The following NMNAT3 variants were observed in gnomAD, a reference collection of about 807,000 sequenced individuals.
The protein encoded by NMNAT3 is nicotinamide nucleotide adenylyltransferase 3.
In NMNAT3, 21 loss-of-function variants were observed where a neutral mutation model predicts 24.8. The observed-to-expected ratio is 0.85, with a 90% CI of 0.60 to 1.22. The LOEUF is 1.22. NMNAT3 is among the 50% of genes most tolerant of loss of function. The pLI, the probability that NMNAT3 is intolerant of heterozygous loss-of-function variation, is 0.00. For missense variants in NMNAT3, 387 were observed against 436.6 expected, an observed-to-expected ratio of 0.89 and a Z score of 1.01; for synonymous variants, 136 against 155.2, an observed-to-expected ratio of 0.88 and a Z score of 0.92.
chr3:139,602,431 A>G (rs1399478798), intron 3 of NMNAT3, among the ~76,000 whole-genome samples: 1 of 152,256 alleles, frequency 6.6e-6, no homozygotes, highest in East Asian at 1.9e-4. Context: ...GACATTGGGT[A>G]GAATGAACAG....
intron 3 of NMNAT3, among the ~76,000 whole-genome samples, chr3:139,598,130 A>C (rs1039538104): frequency 6.6e-6 from 1 of 152,136 alleles, no homozygotes; most frequent in Non-Finnish European, 1.5e-5. Context: ...GGCAATCATC[A>C]CTCCCTCCAT....
chr3:139,654,681 G>A (rs2057177528), intron 1 of NMNAT3, among the ~76,000 whole-genome samples: 1 of 152,186 alleles, frequency 6.6e-6, no homozygotes, highest in Admixed American at 6.5e-5. Context: ...GAGGACCCAA[G>A]CAGCCCAACT....
At chr3:139,603,176 C>T (rs1309126292) in intron 3 of NMNAT3, among the ~76,000 whole-genome samples, 1 of 152,174 alleles carries the variant, frequency 6.6e-6, no homozygotes, top group Non-Finnish European at 1.5e-5. Context: ...ATTGCGGATC[C>T]TTTGAGAGCC....
chr3:139,611,194 T>A (rs1846023), intron 3 of NMNAT3, among the ~76,000 whole-genome samples: 12 of 152,014 alleles, frequency 7.9e-5, no homozygotes, highest in African/African-American at 1.9e-4. Flanking sequence ...CAGGAGAAAC[T>A]GTCTTGAGGC....
In NMNAT3 at chr3:139,582,907, A is replaced by T. The variant is rs61139532; in HGVS notation, c.391+20T>A. ...GTTGGAGGGAGGAGCAGTCCAAAAA[A>T]ATATATATATATTTTTTACCTTGAA... is the stretch of plus-strand genomic sequence containing the variant. On this transcript the variant is annotated intron_variant, in intron 4 of 6. Transcript: ENST00000643695. 6,818 of 1,382,678 alleles carry T rather than the reference A, an allele frequency of 4.9e-3. 182 individuals carry two copies. The African/African-American group carries it at 0.074, about 15-fold the overall frequency. 85.7% of individuals were successfully genotyped at this position (1,382,678 alleles called of 1,614,324 possible). A position where few individuals can be genotyped will look rare whatever the true frequency, so the allele number is the denominator to read the frequency against.
chr3:139,561,108 C>T lies in NMNAT3; in HGVS notation c.943G>A (p.Asp315Asn), dbSNP rs975840088. The change falls in exon 7 of 7, where the codon GAT becomes AAT. Residue 315 changes from aspartate (D) to asparagine (N), a missense_variant. Physicochemically the swap from Asp to Asn is conservative, Grantham distance 23. Coordinates refer to ENST00000643695, the MANE Select transcript of NMNAT3 (RefSeq NM_001320510.2). ...TCCTTGATGTACGTGATGACAGCAT[C>T]GGGAATCAGGTACTTTACGCTCTGC... is the stretch of plus-strand genomic sequence containing the variant. 16 of 1,614,052 alleles carry T rather than the reference C, an allele frequency of 9.9e-6. No homozygotes were observed. Among genetic ancestry groups the T allele is most frequent in the Non-Finnish European group, 1.3e-5 (15 of 1,180,010 alleles).
intron 1 of NMNAT3, among the ~76,000 whole-genome samples, chr3:139,656,549 AG>A (rs143334672): frequency 0.052 from 7,927 of 152,264 alleles, 246 homozygotes; most frequent in Admixed American, 0.098. Context: ...GCACTTTGGG[AG>A]GCTGAGGCAG....
intron 6 of NMNAT3, chr3:139,569,574 A>G (rs1369648901): frequency 6.6e-6 from 1 of 152,100 alleles, no homozygotes; most frequent in Non-Finnish European, 1.5e-5. Flanking sequence ...CTTGTCTGTA[A>G]AGGGTTTTAT....
intron 1 of NMNAT3, among the ~76,000 whole-genome samples, chr3:139,652,013 C>T (rs954968325): frequency 8.5e-5 from 13 of 152,212 alleles, no homozygotes; most frequent in Non-Finnish European, 1.8e-4. Flanking sequence ...CCTCACTGTT[C>T]CACCCAGCTT....
intron 6 of NMNAT3, among the ~76,000 whole-genome samples, chr3:139,571,879 G>A (rs1163387595): frequency 1.3e-5 from 2 of 152,188 alleles, no homozygotes; most frequent in East Asian, 1.9e-4. Context: ...GCCTCAGTGT[G>A]TTGTCCCTCC....
At chr3:139,631,415 G>A (rs1398079834) in intron 2 of NMNAT3, among the ~76,000 whole-genome samples, 2 of 152,124 alleles carry the variant, frequency 1.3e-5, no homozygotes, top group East Asian at 3.8e-4. Context: ...CAAGATGCAT[G>A]CTATAAAAGT....
rs187425850 is a variant in NMNAT3 at position 139,646,816 on chromosome 3, G to A, written c.-140-8754C>T. Among the ~76,000 whole-genome samples, 81 of 152,350 alleles carry A rather than the reference G, an allele frequency of 5.3e-4. 5 individuals are homozygous for A. In the East Asian group the frequency reaches 6.9e-3, roughly 13 times the overall value. ...AGGGCCAAGTCCAAAACCGTAATAG[G>A]CTTTTTGCAGGGAGGACTGAAGAGT... On this transcript the variant is annotated intron_variant, in intron 1 of 6. Transcript: ENST00000643695.
At chr3:139,591,629 G>A (rs1385483766) in intron 3 of NMNAT3, among the ~76,000 whole-genome samples, 2 of 151,074 alleles carry the variant, frequency 1.3e-5, no homozygotes, top group African/African-American at 2.4e-5. Context: ...TCTGAGAACG[G>A]GCAGACTGCC....
intron 3 of NMNAT3, among the ~76,000 whole-genome samples, chr3:139,608,831 T>A (rs2055061569): frequency 6.6e-6 from 1 of 152,210 alleles, no homozygotes; most frequent in Non-Finnish European, 1.5e-5. Flanking sequence ...CACAGAATGC[T>A]TCACTTCCAT....
intron 3 of NMNAT3, among the ~76,000 whole-genome samples, chr3:139,609,195 G>A (rs879774603): frequency 6.6e-6 from 1 of 152,204 alleles, no homozygotes; most frequent in Non-Finnish European, 1.5e-5. Flanking sequence ...TGTGATGAAC[G>A]TTTGTGTACA....
chr3:139,625,154 C>T (rs182963892), intron 3 of NMNAT3, among the ~76,000 whole-genome samples: 129 of 152,298 alleles, frequency 8.5e-4, no homozygotes, highest in African/African-American at 2.9e-3. Flanking sequence ...ACTATAGCCA[C>T]TTCAGCTTTC....
At chr3:139,650,667 G>A (rs1290540360) in intron 1 of NMNAT3, among the ~76,000 whole-genome samples, 1 of 152,144 alleles carries the variant, frequency 6.6e-6, no homozygotes, top group East Asian at 1.9e-4. Flanking sequence ...TTTACCTGAG[G>A]AATGCATCCT....
At chr3:139,577,448 TATATC>T (rs1398029862) in intron 5 of NMNAT3, among the ~76,000 whole-genome samples, 1 of 152,220 alleles carries the variant, frequency 6.6e-6, no homozygotes, top group Non-Finnish European at 1.5e-5. Context: ...CTAAATCACT[TATATC>T]AAGTAATTCA....
intron 3 of NMNAT3, among the ~76,000 whole-genome samples, chr3:139,626,578 G>C (rs1405201090): frequency 2.0e-5 from 3 of 151,868 alleles, no homozygotes; most frequent in African/African-American, 7.3e-5. Context: ...GTTTCCATTG[G>C]TTCATTTTTC....
Sources: allele counts gnomAD v4.1 joint callset (sites outside exome capture counted in the v4.1 genomes callset), GRCh38; gene constraint gnomAD v4.1.1; transcripts MANE v1.5; gene names NCBI Gene and HGNC (gene_info 2026-07-23, HGNC 2026-07-21).